The following SGSM2 variants were observed in gnomAD, a reference collection of about 807,000 sequenced individuals.
The protein encoded by SGSM2 is RUN and TBC1 domain containing 1.
SGSM2 carries 89 observed loss-of-function variants against 126.6 expected under a neutral mutation model. The observed-to-expected ratio is 0.70, with a 90% CI of 0.59 to 0.84. The LOEUF (loss-of-function observed/expected upper bound fraction) is 0.84. Ranked by LOEUF, SGSM2 falls within the 40% of genes least tolerant of loss-of-function variation. The pLI is 0.00. For missense variants in SGSM2, 1,404 were observed against 1,416.6 expected, an observed-to-expected ratio of 0.99 and a Z score of 0.14; for synonymous variants, 614 against 574.3, an observed-to-expected ratio of 1.07 and a Z score of -0.99.
chr17:2,363,688 G>A lies in SGSM2; in HGVS notation c.807+89G>A, dbSNP rs2065427343. On this transcript the variant is annotated intron_variant, in intron 7 of 23. Transcript: ENST00000268989. This position sits in a 1 kb window ranked among gnomAD's most constrained non-coding sequence, Gnocchi z 4.2. ...TAGCCATGGCTATTCCTTTCCTGAG[G>A]AGCTTGACCAGAGACGGGGGGGAGA... The A allele has an allele frequency of 1.3e-6, 2 of 1,538,234 alleles. No homozygotes were observed. The highest frequency in any genetic ancestry group is 8.8e-7 in the Non-Finnish European group (1 of 1,136,114).
intron 1 of SGSM2, among the ~76,000 whole-genome samples, chr17:2,338,235 C>G (rs560466945): frequency 6.6e-6 from 1 of 152,294 alleles, no homozygotes; most frequent in South Asian, 2.1e-4. Context: ...GGAGTGATCG[C>G]TGCCGGAGGG....
rs1597358976 is a variant in SGSM2 at position 2,363,635 on chromosome 17, G to A, written c.807+36G>A. ...TTCATCCTGCCATCCCTCCCCGAAG[G>A]TCCCCGAACGAGACGACTGGAAGCC... On this transcript the variant is annotated intron_variant, in intron 7 of 23. Coordinates refer to ENST00000268989, the MANE Select transcript of SGSM2 (RefSeq NM_014853.3). This position sits in a 1 kb window ranked among gnomAD's most constrained non-coding sequence, Gnocchi z 4.2. 1 of 1,604,870 alleles carries A rather than the reference G, an allele frequency of 6.2e-7. No homozygotes were observed. Among genetic ancestry groups the A allele is most frequent in the East Asian group, 2.2e-5 (1 of 44,608 alleles).
chr17:2,371,340 GCTC>G lies in SGSM2; in HGVS notation c.1508_1510del (p.Ser503del). On this transcript the variant is annotated inframe_deletion, in exon 13 of 24. Coordinates refer to ENST00000268989, the MANE Select transcript of SGSM2 (RefSeq NM_014853.3). ...CACCTGGAGCCCCTGTGCAGTCAGG[GCTC>G]CTCCTGCCTCTCCTGCTCCTCCAGC... 1.2e-6 allele frequency: 2 copies of G among 1,611,702 alleles called. No homozygotes were observed. Among genetic ancestry groups the G allele is most frequent in the Non-Finnish European group, 1.7e-6 (2 of 1,179,654 alleles).
Position 2,364,891 on chromosome 17 carries a change from C to G in SGSM2, c.1001-6C>G. Reference sequence around the variant, plus strand: ...CCTCAGCCGCACTCTCCACGTTCACCCCCAGAGAGCGGTGGCACGCTTGTG... The same window carrying G: ...CCTCAGCCGCACTCTCCACGTTCACGCCCAGAGAGCGGTGGCACGCTTGTG... On this transcript the variant is annotated splice_polypyrimidine_tract_variant and splice_region_variant and intron_variant, in intron 9 of 23. Coordinates refer to ENST00000268989, the MANE Select transcript of SGSM2 (RefSeq NM_014853.3). 1.2e-6 allele frequency: 2 copies of G among 1,607,888 alleles called. No individual in the cohort carries two copies. Among genetic ancestry groups the G allele is most frequent in the Non-Finnish European group, 1.7e-6 (2 of 1,179,856 alleles).
Position 2,337,567 on chromosome 17 carries a change from G to A in SGSM2, c.-122G>A. On this transcript the variant is annotated 5_prime_UTR_variant, in exon 1 of 24. Transcript: ENST00000268989. The surrounding 1 kb of genome is among the most constrained non-coding windows in gnomAD (Gnocchi z 5.1). ...AGTGGCTGCGGCGGCGGCGGCGGCG[G>A]CGGGCCGGGAGCGCGGCGGGCGGGG... 1 of 491,012 alleles carries A rather than the reference G, an allele frequency of 2.0e-6. No homozygotes were observed. Among genetic ancestry groups the A allele is most frequent in the Non-Finnish European group, 2.8e-6 (1 of 363,144 alleles). 30.4% of individuals were successfully genotyped at this position (491,012 alleles called of 1,614,324 possible).
At chr17:2,350,021 T>G (rs1389440002) in intron 2 of SGSM2, among the ~76,000 whole-genome samples, 2 of 151,928 alleles carry the variant, frequency 1.3e-5, no homozygotes, top group African/African-American at 4.8e-5. Context: ...TCTCCTGACC[T>G]CGTGATCCGC....
intron 2 of SGSM2, among the ~76,000 whole-genome samples, chr17:2,347,618 T>C (rs1048160954): frequency 6.6e-6 from 1 of 151,412 alleles, no homozygotes; most frequent in Non-Finnish European, 1.5e-5. Context: ...CCCCCTCCCC[T>C]GGAGGGGAAG....
In SGSM2 at chr17:2,371,782, G is replaced by A. The variant is rs1269977029; in HGVS notation, c.1577+367G>A. On this transcript the variant is annotated intron_variant, in intron 13 of 23. Transcript: ENST00000268989. The stretch of plus-strand genomic sequence containing the variant: ...TGCACACAGACCCTGCTGACAGGCC[G>A]TCCACCTGAGGACACTCAGCAGCCA... 6 of 377,704 alleles carry A rather than the reference G, an allele frequency of 1.6e-5. No individual in the cohort carries two copies. In the Admixed American group the frequency reaches 2.2e-4, roughly 14 times the overall value. The allele number at this position is 377,704 out of a possible 1,614,324, so 23.4% of individuals were successfully genotyped here. A position where few individuals can be genotyped will look rare whatever the true frequency, so the allele number is the denominator to read the frequency against.
chr17:2,339,842 C>T (rs61576608), intron 1 of SGSM2, among the ~76,000 whole-genome samples: 1 of 151,812 alleles, frequency 6.6e-6, no homozygotes, highest in Non-Finnish European at 1.5e-5. Context: ...TCAGCTTTCC[C>T]GCTTGTGGGA....
At position 2,363,305 on chromosome 17, in the gene SGSM2, T is replaced by C. The variant is rs1404586956; in HGVS notation, c.673-160T>C. Among the ~76,000 whole-genome samples, 1 of 152,226 alleles carries C rather than the reference T, an allele frequency of 6.6e-6. No individual in the cohort carries two copies. Among genetic ancestry groups the C allele is most frequent in the Non-Finnish European group, 1.5e-5 (1 of 68,042 alleles). On this transcript the variant is annotated intron_variant, in intron 6 of 23. Coordinates refer to ENST00000268989, the MANE Select transcript of SGSM2 (RefSeq NM_014853.3). The surrounding 1 kb of genome is among the most constrained non-coding windows in gnomAD (Gnocchi z 4.2). ...ACTTAACACAAATGCCGGGAGCCCA[T>C]GCTGGTCCGTGGCTGGAGAGCAGAG...
At chr17:2,366,229 C>T (rs1316556009) in intron 11 of SGSM2, among the ~76,000 whole-genome samples, 1 of 152,058 alleles carries the variant, frequency 6.6e-6, no homozygotes, top group Non-Finnish European at 1.5e-5. Context: ...TCCTGCCCCA[C>T]CCTGGACACA....
At chr17:2,376,306 G>A (rs770372551) in intron 19 of SGSM2, 45 bp downstream of exon 19, 164 of 1,610,288 alleles carry the variant, frequency 1.0e-4, no homozygotes, top group Non-Finnish European at 1.4e-4. Context: ...GGACCCTGCC[G>A]CCAGTTACTC....
chr17:2,365,199 A>G lies in SGSM2; in HGVS notation c.1162-16A>G. On this transcript the variant is annotated splice_polypyrimidine_tract_variant and intron_variant, in intron 10 of 23. Transcript: ENST00000268989. ...TCTGCCCTATACAGCCCGACCACCT[A>G]CCCCTCCTTCCACAGGGGAAAGTGT... 6.2e-7 allele frequency: 1 copy of G among 1,604,454 alleles called. No individual in the cohort carries two copies. Among genetic ancestry groups the G allele is most frequent in the Non-Finnish European group, 8.5e-7 (1 of 1,174,062 alleles).
chr17:2,377,701 G>A (rs901961775), intron 21 of SGSM2, 156 bp from the exon 22 acceptor site: 26 of 547,094 alleles, frequency 4.8e-5, no homozygotes, highest in African/African-American at 9.5e-5. Context: ...GGAGATCCGA[G>A]GGGGAGAGAG....
intron 2 of SGSM2, among the ~76,000 whole-genome samples, chr17:2,361,073 CTA>C (rs1211692643): frequency 6.6e-6 from 1 of 152,192 alleles, no homozygotes; most frequent in East Asian, 1.9e-4. Context: ...CAGACAGAGA[CTA>C]AGCCTAACCC....
chr17:2,379,678 C>G lies in SGSM2; in HGVS notation c.*158C>G. 7.0e-7 allele frequency: 1 copy of G among 1,437,710 alleles called. No homozygotes were observed. The allele number at this position is 1,437,710 out of a possible 1,614,324, so 89.1% of individuals were successfully genotyped here. On this transcript the variant is annotated 3_prime_UTR_variant, in exon 24 of 24. Coordinates refer to ENST00000268989, the MANE Select transcript of SGSM2 (RefSeq NM_014853.3). Reference sequence around the variant, plus strand: ...GATCCGACTCCCGGCAGTGCTGACCCTGCAGGGCAAGTCAGGGGCCAGGAT... The same window carrying G: ...GATCCGACTCCCGGCAGTGCTGACCGTGCAGGGCAAGTCAGGGGCCAGGAT...
intron 2 of SGSM2, among the ~76,000 whole-genome samples, chr17:2,348,397 G>A (rs979286614): frequency 1.3e-5 from 2 of 152,122 alleles, no homozygotes; most frequent in Admixed American, 6.5e-5. Flanking sequence ...CAAAAAGGAG[G>A]AGCGGGTTCC....
At chr17:2,364,518 G>A (rs892513004) in intron 8 of SGSM2, 78 bp from the exon 9 acceptor site, 1 of 1,498,420 alleles carries the variant, frequency 6.7e-7, no homozygotes, top group Non-Finnish European at 9.3e-7. Flanking sequence ...TTCGTGGGGT[G>A]GTAGGACCAG....
chr17:2,350,304 G>T (rs537480695), intron 2 of SGSM2, among the ~76,000 whole-genome samples: 1 of 151,978 alleles, frequency 6.6e-6, no homozygotes, highest in South Asian at 2.1e-4. Context: ...TGCTGGAGGA[G>T]CGTCTTTGAA....
Sources: gnomAD v4.1 joint callset for allele counts (sites outside exome capture counted in the v4.1 genomes callset) on GRCh38, gnomAD v4.1.1 for gene constraint, Gnocchi (gnomAD v3.1) non-coding constraint, MANE v1.5 for transcripts, NCBI Gene and HGNC (gene_info 2026-07-23, HGNC 2026-07-21) for gene names.